Variants in ATP2B2 observed in about 807,000 individuals in gnomAD.
ATP2B2 encodes plasma membrane calcium-transporting ATPase 2.
A neutral mutation model predicts 120.0 loss-of-function variants in ATP2B2; 15 were observed. The observed-to-expected ratio is 0.12, with a 90% CI of 0.08 to 0.19. ATP2B2 has a LOEUF of 0.19. ATP2B2 is among the 10% of genes least tolerant of loss of function. The probability of loss-of-function intolerance (pLI) is 1.00; values close to 1 mark genes in which losing one functional copy is unlikely to be tolerated. For missense variants in ATP2B2, 1,045 were observed against 1,719.8 expected (o/e 0.61, Z 6.94); for synonymous variants, 694 against 700.3 (o/e 0.99, Z 0.14).
chr3:10,471,532 C>A (rs2065003965), intron 1 of ATP2B2, among the ~76,000 whole-genome samples: 1 of 151,524 alleles, frequency 6.6e-6, no homozygotes. Flanking sequence ...AAGACACAGT[C>A]AGGCAGAGAG....
chr3:10,505,804 G>C (rs1347005112), upstream of ATP2B2: 1 of 147,728 alleles, frequency 6.8e-6, no homozygotes, highest in Non-Finnish European at 1.5e-5. Flanking sequence ...GGGCGGGGGG[G>C]GTGTGTGGAC....
At position 10,423,106 on chromosome 3, in the gene ATP2B2, A is replaced by T. The variant is rs539424005; in HGVS notation, c.200-12291T>A. On this transcript the variant is annotated intron_variant, in intron 2 of 22. Coordinates refer to ENST00000360273, the MANE Select transcript of ATP2B2 (RefSeq NM_001001331.4). ...CCCCTGAGAAAGGTTTACTGGATAA[A>T]ATATAGGATACCCAGAGAAATCTGA... 5.9e-5 allele frequency among the ~76,000 whole-genome samples: 9 copies of T among 152,364 alleles called. No homozygotes were observed. In the South Asian group the frequency reaches 1.9e-3, roughly 32 times the overall value.
rs1008131533 is a variant in ATP2B2 at position 10,328,579 on chromosome 3, C to T, written c.*235G>A. 3.8e-5 allele frequency: 21 copies of T among 553,658 alleles called. No homozygotes were observed. Among genetic ancestry groups the T allele is most frequent in the African/African-American group, 3.6e-4 (19 of 52,718 alleles). 34.3% of individuals were successfully genotyped at this position (553,658 alleles called of 1,614,324 possible). On this transcript the variant is annotated 3_prime_UTR_variant, in exon 23 of 23. Transcript: ENST00000360273. ...CTTGTTTTGGGAAAACCGCTCACTC[C>T]CGTAAGCCCCCAGTGGAGATCCCGC... is the stretch of plus-strand genomic sequence containing the variant.
chr3:10,702,385 C>T (rs941571095), intron 1 of ATP2B2, among the ~76,000 whole-genome samples: 7 of 152,156 alleles, frequency 4.6e-5, no homozygotes, highest in Non-Finnish European at 8.8e-5. Context: ...TGTCTTAGTC[C>T]TTGTCATTCT....
chr3:10,596,863 C>A (rs2068776446), intron 2 of ATP2B2, among the ~76,000 whole-genome samples: 1 of 152,178 alleles, frequency 6.6e-6, no homozygotes, highest in African/African-American at 2.4e-5. Context: ...CTGCAGGGAG[C>A]CAGAGAGAGC....
At chr3:10,528,407 C>A (rs994082865) in intron 3 of ATP2B2, among the ~76,000 whole-genome samples, 1 of 152,154 alleles carries the variant, frequency 6.6e-6, no homozygotes, top group African/African-American at 2.4e-5. Flanking sequence ...CAGAGTCCCC[C>A]ACCCACCTTG....
chr3:10,584,799 G>A (rs2068469293), intron 2 of ATP2B2, among the ~76,000 whole-genome samples: 1 of 152,108 alleles, frequency 6.6e-6, no homozygotes. Flanking sequence ...TGTCACTGTG[G>A]GATATCTAAC....
rs973732765 is a variant in ATP2B2 at position 10,346,291 on chromosome 3, C to A, written c.2405-154G>T. ...CATCCAGGCTCTTCCCAGCTCCAGGCTGGCCTATAGCTGCCAGCAGGTTAC... is the reference window on the plus strand; with the variant it reads ...CATCCAGGCTCTTCCCAGCTCCAGGATGGCCTATAGCTGCCAGCAGGTTAC... On this transcript the variant is annotated intron_variant, in intron 16 of 22. Coordinates refer to ENST00000360273, the MANE Select transcript of ATP2B2 (RefSeq NM_001001331.4). This position sits in a 1 kb window ranked among gnomAD's most constrained non-coding sequence, Gnocchi z 4.1. 2.0e-5 allele frequency among the ~76,000 whole-genome samples: 3 copies of A among 152,254 alleles called. No individual in the cohort carries two copies. The highest frequency in any genetic ancestry group is 4.4e-5 in the Non-Finnish European group (3 of 68,040).
At chr3:10,416,801 T>C (rs558683148) in intron 2 of ATP2B2, among the ~76,000 whole-genome samples, 51 of 151,914 alleles carry the variant, frequency 3.4e-4, no homozygotes, top group African/African-American at 1.2e-3. Flanking sequence ...AACTTTAATG[T>C]CGAAAATGCA....
intron 1 of ATP2B2, among the ~76,000 whole-genome samples, chr3:10,484,266 A>G (rs1329549473): frequency 1.3e-5 from 2 of 152,080 alleles, no homozygotes. Context: ...GAGTGACCTG[A>G]ACACCTTGGG....
At chr3:10,399,748 C>T (rs1483007508) in intron 5 of ATP2B2, among the ~76,000 whole-genome samples, 3 of 152,224 alleles carry the variant, frequency 2.0e-5, no homozygotes, top group Admixed American at 2.0e-4. Context: ...TCCTTCAGAC[C>T]TCTGTGCCTT....
intron 17 of ATP2B2, 38 bp downstream of exon 17, chr3:10,345,993 G>T: frequency 6.3e-7 from 1 of 1,575,342 alleles, no homozygotes. Context: ...AATCTCCCCA[G>T]CCCCCACCAC....
chr3:10,542,624 G>A (rs1575478357), intron 2 of ATP2B2, among the ~76,000 whole-genome samples: 1 of 152,236 alleles, frequency 6.6e-6, no homozygotes, highest in East Asian at 1.9e-4. Context: ...GGGACTCTGG[G>A]TTGATAGTTC....
chr3:10,388,942 A>G (rs1553571797), intron 5 of ATP2B2, among the ~76,000 whole-genome samples: 1 of 151,770 alleles, frequency 6.6e-6, no homozygotes, highest in South Asian at 2.1e-4. Context: ...TTTTTTTTCT[A>G]CTTTATGCCA....
intron 11 of ATP2B2, 76 bp from the exon 12 acceptor site, chr3:10,372,127 T>C (rs1575045397): frequency 6.3e-7 from 1 of 1,597,608 alleles, no homozygotes; most frequent in South Asian, 1.1e-5. Flanking sequence ...AGGCACTGGG[T>C]AAACATGCAG....
chr3:10,406,955 G>T (rs187170912), intron 3 of ATP2B2, among the ~76,000 whole-genome samples: 2 of 152,360 alleles, frequency 1.3e-5, no homozygotes, highest in South Asian at 2.1e-4. Flanking sequence ...TCGGGAAGAC[G>T]TGTCTTCTGG....
intron 3 of ATP2B2, among the ~76,000 whole-genome samples, chr3:10,513,877 G>T (rs1035921226): frequency 3.3e-5 from 5 of 152,128 alleles, no homozygotes; most frequent in Non-Finnish European, 7.4e-5. Context: ...TGGTAGCCCT[G>T]CTTGATAGAA....
intron 1 of ATP2B2, among the ~76,000 whole-genome samples, chr3:10,688,446 C>A (rs1197508199): frequency 6.6e-6 from 1 of 152,218 alleles, no homozygotes; most frequent in Admixed American, 6.5e-5. Context: ...TTACTTCATT[C>A]AACATGTTTC....
intron 2 of ATP2B2, among the ~76,000 whole-genome samples, chr3:10,581,005 G>A (rs2125560856): frequency 6.6e-6 from 1 of 152,352 alleles, no homozygotes; most frequent in African/African-American, 2.4e-5. Flanking sequence ...TACAGGCTAT[G>A]AGACTTTACA....
Sources: gnomAD v4.1 joint callset for allele counts (sites outside exome capture counted in the v4.1 genomes callset) on GRCh38, gnomAD v4.1.1 for gene constraint, Gnocchi (gnomAD v3.1) non-coding constraint, MANE v1.5 for transcripts, NCBI Gene and HGNC (gene_info 2026-07-23, HGNC 2026-07-21) for gene names.